TNNT2: variants seen among roughly 807,000 people sequenced by gnomAD.
The protein encoded by TNNT2 is troponin T, cardiac muscle.
TNNT2 carries 34 observed loss-of-function variants against 62.4 expected under a neutral mutation model. The ratio of observed to expected loss-of-function variants is 0.54; its 90% CI spans 0.41 to 0.72. The LOEUF is 0.72. Ranked by LOEUF, TNNT2 falls within the 30% of genes least tolerant of loss-of-function variation. TNNT2 has a pLI of 0.00. For missense variants in TNNT2, 275 were observed against 381.9 expected (o/e 0.72, Z 2.33); for synonymous variants, 123 against 127.2 (o/e 0.97, Z 0.22).
chr1:201,369,724 C>A lies in TNNT2; in HGVS notation c.97+92G>T, dbSNP rs577344069. 40 of 1,545,942 alleles carry A rather than the reference C, an allele frequency of 2.6e-5. No homozygotes were observed. The African/African-American group carries it at 4.6e-4, about 18-fold the overall frequency. ...CTCCGTCCCTGCCGCCTACTCACACCCCCCAGCCCCCAGAACAGGGCCCCT... is the reference window on the plus strand; with the variant it reads ...CTCCGTCCCTGCCGCCTACTCACACACCCCAGCCCCCAGAACAGGGCCCCT... On this transcript the variant is annotated intron_variant, in intron 5 of 16. Transcript: ENST00000656932.
At chr1:201,373,519 G>T in intron 1 of TNNT2, 3 of 551,864 alleles carry the variant, frequency 5.4e-6, no homozygotes, top group African/African-American at 3.8e-5. Flanking sequence ...ATACTGCCTG[G>T]GATGCTGCAT....
At chr1:201,366,607 C>T in intron 8 of TNNT2, 1 of 1,426,736 alleles carries the variant, frequency 7.0e-7, no homozygotes, top group Non-Finnish European at 9.2e-7. Flanking sequence ...ATAGCCCCAT[C>T]CCTGCTAGGG....
rs1357634499 is a variant in TNNT2, at chr1:201,361,006, C to T, written c.810+273G>A. 1.6e-5 allele frequency: 8 copies of T among 501,166 alleles called. No individual in the cohort carries two copies. The Admixed American group carries it at 2.5e-4, about 16-fold the overall frequency. The allele number at this position is 501,166 out of a possible 1,614,324, so 31.0% of individuals were successfully genotyped here. A position where few individuals can be genotyped will look rare whatever the true frequency, so the allele number is the denominator to read the frequency against. Reference sequence around the variant, plus strand: ...ACCAGCTCAGATCACTGAGCTGCTGCCTCAACGTGTTGGAGACCCCCAGGG... The same window carrying T: ...ACCAGCTCAGATCACTGAGCTGCTGTCTCAACGTGTTGGAGACCCCCAGGG... On this transcript the variant is annotated intron_variant, in intron 15 of 16. Transcript: ENST00000656932.
chr1:201,365,484 C>A, intron 9 of TNNT2, 126 bp downstream of exon 9: 1 of 1,256,202 alleles, frequency 8.0e-7, no homozygotes, highest in South Asian at 1.2e-5. Flanking sequence ...GGGCACCCAG[C>A]CTGGCTGGTG....
At chr1:201,366,364 C>A (rs1571635666) in intron 8 of TNNT2, 3 of 40,330 alleles carry the variant, frequency 7.4e-5, no homozygotes, top group Admixed American at 4.9e-3. Context: ...TATCCCCCAG[C>A]CCCCCCCAGC....
intron 8 of TNNT2, chr1:201,366,537 T>G (rs1466174411): frequency 2.4e-6 from 3 of 1,273,920 alleles, no homozygotes; most frequent in South Asian, 1.9e-5. Flanking sequence ...TGGAGGAGGG[T>G]GTTCTGGCCA....
At chr1:201,366,025 A>G in intron 8 of TNNT2, 1 of 1,184,402 alleles carries the variant, frequency 8.4e-7, no homozygotes, top group Non-Finnish European at 1.1e-6. Flanking sequence ...TGCTTCTTGG[A>G]CTTCAAATCC....
Position 201,373,221 on chromosome 1 carries a change from C to T in TNNT2, c.34G>A (p.Glu12Lys), listed in dbSNP as rs760247765. Residue 12 changes from glutamate (E) to lysine (K), a missense_variant, in exon 2 of 17, where the codon GAG (glutamate) becomes AAG (lysine). Transcript: ENST00000656932. ...GATGCTCCAGATACTCACTCCTCCTCGTACTCTTCCACCACCTCTTCTATG... is the reference window on the plus strand; with the variant it reads ...GATGCTCCAGATACTCACTCCTCCTTGTACTCTTCCACCACCTCTTCTATG... ...SDIEEVVEEY[E>K]EEEQEEAAVE... 5.6e-6 allele frequency: 9 copies of T among 1,614,154 alleles called. No homozygotes were observed. The East Asian group carries it at 6.7e-5, about 12-fold the overall frequency.
chr1:201,365,824 C>G (rs1372937574), intron 8 of TNNT2, 154 bp from the exon 9 acceptor site: 6 of 1,526,756 alleles, frequency 3.9e-6, no homozygotes, highest in South Asian at 2.4e-5. Context: ...TCAACAATGG[C>G]AGTCCTCAGC....
chr1:201,377,272 C>T (rs959365997), intron 1 of TNNT2, among the ~76,000 whole-genome samples: 5 of 152,164 alleles, frequency 3.3e-5, no homozygotes, highest in Non-Finnish European at 7.3e-5. Context: ...TTAGAGCAGG[C>T]AGAGGCCTAG....
intron 13 of TNNT2, 134 bp from the exon 14 acceptor site, chr1:201,362,156 C>T: frequency 1.7e-6 from 2 of 1,176,436 alleles, no homozygotes; most frequent in Non-Finnish European, 2.5e-6. Flanking sequence ...CTGCCACACC[C>T]CCCAACTACC....
rs1020916102 is a variant in TNNT2, at chr1:201,365,492, G to T, written c.294+118C>A. ...CATGGATGGGCACCCAGCCTGGCTG[G>T]TGCTGCACCCCATCCCACCTATGCT... is the stretch of plus-strand genomic sequence containing the variant. On this transcript the variant is annotated intron_variant, in intron 9 of 16. Transcript: ENST00000656932. 5.4e-5 allele frequency: 70 copies of T among 1,289,124 alleles called. No individual in the cohort carries two copies. The South Asian group carries it at 7.9e-4, about 15-fold the overall frequency. 79.9% of individuals were successfully genotyped at this position (1,289,124 alleles called of 1,614,324 possible).
chr1:201,364,404 G>A (rs779863846), intron 10 of TNNT2, 29 bp from the exon 11 acceptor site: 1 of 1,608,112 alleles, frequency 6.2e-7, no homozygotes, highest in Admixed American at 1.7e-5. Flanking sequence ...GCCCACCCAG[G>A]TGTGCATAGG....
intron 1 of TNNT2, among the ~76,000 whole-genome samples, chr1:201,376,552 C>T (rs184546959): frequency 2.0e-5 from 3 of 152,242 alleles, no homozygotes; most frequent in Admixed American, 1.3e-4. Context: ...AAATAGGAGG[C>T]AGCCAGCAAC....
intron 8 of TNNT2, chr1:201,366,311 C>T (rs1571635188): frequency 2.0e-6 from 2 of 1,020,930 alleles, no homozygotes; most frequent in East Asian, 8.8e-5. Flanking sequence ...CATGGGTCAA[C>T]CTCTGCTGGC....
intron 8 of TNNT2, chr1:201,366,420 C>T (rs1456249305): frequency 7.2e-6 from 8 of 1,108,422 alleles, no homozygotes; most frequent in Non-Finnish European, 3.3e-6. Context: ...ACCAAGCCGT[C>T]CTGCCCTCTC....
chr1:201,361,872 G>A (rs1212966418), intron 14 of TNNT2, 41 bp downstream of exon 14: 2 of 1,580,852 alleles, frequency 1.3e-6, no homozygotes, highest in South Asian at 2.2e-5. Context: ...TCCCAGAGCA[G>A]ATGCGGGCAG....
intron 15 of TNNT2, chr1:201,360,685 T>G (rs1658445134): frequency 6.4e-6 from 1 of 156,628 alleles, no homozygotes; most frequent in South Asian, 2.0e-4. Flanking sequence ...ATTCTTCCCT[T>G]AGGTAGCAAA....
At chr1:201,359,473 C>T in intron 16 of TNNT2, 150 bp downstream of exon 16, 2 of 980,598 alleles carry the variant, frequency 2.0e-6, no homozygotes, top group East Asian at 5.2e-5. Context: ...AGCACGAGGC[C>T]CCGGAGGAGC....
Sources: gnomAD v4.1 joint callset for allele counts (sites outside exome capture counted in the v4.1 genomes callset) on GRCh38, gnomAD v4.1.1 for gene constraint, MANE v1.5 for transcripts, NCBI Gene and HGNC (gene_info 2026-07-23, HGNC 2026-07-21) for gene names.